INTS1: variants seen among roughly 807,000 people sequenced by gnomAD.
The protein encoded by INTS1 is integrator complex subunit 1.
Under a neutral mutation model 241.6 loss-of-function variants are expected in INTS1, and 137 were observed. The ratio of observed to expected loss-of-function variants is 0.57; its 90% CI spans 0.49 to 0.65. INTS1 has a LOEUF of 0.65. Ranked by LOEUF, INTS1 falls within the 30% of genes least tolerant of loss-of-function variation. INTS1 has a pLI of 0.00. For synonymous variants in INTS1, 1,692 were observed against 1,337.8 expected, an observed-to-expected ratio of 1.26 and a Z score of -5.78; for missense variants, 3,073 against 3,032.2, an observed-to-expected ratio of 1.01 and a Z score of -0.32.
chr7:1,498,631 A>G (rs1422744886), intron 9 of INTS1, 76 bp downstream of exon 9: 18 of 989,780 alleles, frequency 1.8e-5, no homozygotes, highest in African/African-American at 2.9e-5. Flanking sequence ...CTCCGCCCGC[A>G]CCCCCGCTCC....
chr7:1,480,629 C>A (rs1203114941), intron 29 of INTS1, among the ~76,000 whole-genome samples, 188 bp from the exon 30 acceptor site: 2 of 152,220 alleles, frequency 1.3e-5, no homozygotes, highest in Non-Finnish European at 2.9e-5. Flanking sequence ...AGACTCTGAA[C>A]AGGAACGTGC....
In INTS1 at chr7:1,487,106, G is replaced by A. The variant is rs1308708951; in HGVS notation, c.2647-5C>T. On this transcript the variant is annotated splice_region_variant and splice_polypyrimidine_tract_variant and intron_variant, in intron 20 of 47. Transcript: ENST00000404767. ...GGGCATGGACTGCGAGGAGGCCTGG[G>A]CAGGCGACAGTGGCGCCCGCTCAGC... The A allele has an allele frequency of 1.9e-6, 3 of 1,543,042 alleles. No homozygotes were observed. The Middle Eastern group carries it at 5.0e-4, about 258-fold the overall frequency.
chr7:1,481,082 G>T lies in INTS1; in HGVS notation c.3851-149C>A. ...AAGCTGGGTGAGCTCAGTCAGCACTGAGGCCCCAACAGCTCCCTCCAAGCT... is the reference window on the plus strand; with the variant it reads ...AAGCTGGGTGAGCTCAGTCAGCACTTAGGCCCCAACAGCTCCCTCCAAGCT... On this transcript the variant is annotated intron_variant, in intron 28 of 47. Transcript: ENST00000404767. The surrounding 1 kb of genome is among the most constrained non-coding windows in gnomAD (Gnocchi z 6.8). The T allele has an allele frequency of 1.4e-6, 1 of 702,358 alleles. No homozygotes were observed. Among genetic ancestry groups the T allele is most frequent in the Non-Finnish European group, 2.5e-6 (1 of 404,316 alleles). The allele number at this position is 702,358 out of a possible 1,614,324, so 43.5% of individuals were successfully genotyped here. A position where few individuals can be genotyped will look rare whatever the true frequency, so the allele number is the denominator to read the frequency against.
chr7:1,476,493 G>GCATCTCCCGGATGGGCCACCC (rs1781726215), intron 37 of INTS1, 38 bp from the exon 38 acceptor site: 1 of 1,181,068 alleles, frequency 8.5e-7, no homozygotes, highest in African/African-American at 1.7e-5. Flanking sequence ...GAGCACCACC[G>GCATCTCCCGGATGGGCCACCC]CCTCTCCCGG....
rs1239528138 is a variant in INTS1, at chr7:1,497,524, AGGT to A, written c.1426-213_1426-211del. ...CTGATTCCCCTCTCTGAGAACCGGC[AGGT>A]GGGGAGTCGGTCCTCGTGAAATGAG... is the stretch of plus-strand genomic sequence containing the variant. On this transcript the variant is annotated intron_variant, in intron 10 of 47. Coordinates refer to ENST00000404767, the MANE Select transcript of INTS1 (RefSeq NM_001080453.3). The surrounding 1 kb of genome is among the most constrained non-coding windows in gnomAD (Gnocchi z 5.3). 1.3e-5 allele frequency among the ~76,000 whole-genome samples: 2 copies of A among 152,166 alleles called. No individual in the cohort carries two copies. The highest frequency in any genetic ancestry group is 2.9e-5 in the Non-Finnish European group (2 of 68,026).
chr7:1,471,486 G>T, intron 45 of INTS1, 85 bp downstream of exon 45: 1 of 1,430,188 alleles, frequency 7.0e-7, no homozygotes, highest in Non-Finnish European at 9.8e-7. Context: ...CTCAGCGCGG[G>T]CACGCCATGT....
At position 1,474,032 on chromosome 7, in the gene INTS1, G is replaced by A. The variant is rs1010727398; in HGVS notation, c.5829+136C>T. ...CAGGGGCTTCCCAGGGTGGGAGCTG[G>A]TCCCCAGGGCAGGTGGCCTGGCCTG... is the stretch of plus-strand genomic sequence containing the variant. On this transcript the variant is annotated intron_variant, in intron 41 of 47. Coordinates refer to ENST00000404767, the MANE Select transcript of INTS1 (RefSeq NM_001080453.3). 6.8e-6 allele frequency: 7 copies of A among 1,037,008 alleles called. No homozygotes were observed. The African/African-American group carries it at 9.7e-5, about 14-fold the overall frequency. 64.2% of individuals were successfully genotyped at this position (1,037,008 alleles called of 1,614,324 possible).
At chr7:1,503,833 G>T in intron 2 of INTS1, 70 bp downstream of exon 2, 2 of 831,670 alleles carry the variant, frequency 2.4e-6, no homozygotes, top group Non-Finnish European at 3.5e-6. Flanking sequence ...ATCCGCGGCA[G>T]CTGAGATCCC....
At chr7:1,477,494 C>A in intron 35 of INTS1, 56 bp downstream of exon 35, 1 of 1,453,958 alleles carries the variant, frequency 6.9e-7, no homozygotes, top group South Asian at 1.5e-5. Context: ...CACTTCAGGT[C>A]AGGAAGAGCC....
intron 2 of INTS1, 150 bp downstream of exon 2, chr7:1,503,753 C>G: frequency 3.2e-6 from 2 of 620,058 alleles, no homozygotes; most frequent in South Asian, 2.0e-5. Flanking sequence ...CGCTGAGGAC[C>G]GAGAGCAGTG....
chr7:1,483,835 C>T lies in INTS1; in HGVS notation c.3448G>A (p.Val1150Ile). 2 of 1,611,742 alleles carry T rather than the reference C, an allele frequency of 1.2e-6. No homozygotes were observed. The highest frequency in any genetic ancestry group is 1.7e-6 in the Non-Finnish European group (2 of 1,178,844). ...TCCCCGCTGCTCCAGCGTAGGAAGACCTGGTCCTGAGACTCCGACTGTGGG... is the reference window on the plus strand; with the variant it reads ...TCCCCGCTGCTCCAGCGTAGGAAGATCTGGTCCTGAGACTCCGACTGTGGG... ...VYSWSESQDQ[V>I]FLRWSSGETA... Residue 1150 changes from valine to isoleucine, a missense_variant, in exon 26 of 48, where the codon GTC (valine) becomes ATC (isoleucine). Physicochemically the swap from Val to Ile is conservative, Grantham distance 29. Coordinates refer to ENST00000404767, the MANE Select transcript of INTS1 (RefSeq NM_001080453.3).
At chr7:1,502,830 G>T in intron 3 of INTS1, 71 bp downstream of exon 3, 2 of 1,541,366 alleles carry the variant, frequency 1.3e-6, no homozygotes, top group Non-Finnish European at 1.8e-6. Context: ...CCTGGAGGGG[G>T]CCTTCCCTGA....
At chr7:1,472,416 G>C (rs1193057273) in intron 43 of INTS1, 30 bp from the exon 44 acceptor site, 1 of 1,467,176 alleles carries the variant, frequency 6.8e-7, no homozygotes, top group Non-Finnish European at 9.2e-7. Flanking sequence ...CTGCAGGAGG[G>C]CGGGAGCGGC....
chr7:1,488,095 G>A (rs1361028207), intron 18 of INTS1, 138 bp from the exon 19 acceptor site: 5 of 894,488 alleles, frequency 5.6e-6, no homozygotes, highest in South Asian at 3.1e-5. Context: ...AGCACAGGGC[G>A]CCCGGTAGCA....
Position 1,503,890 on chromosome 7 carries a change from G to T in INTS1, c.58+13C>A. ...AAAGACCCCCGGGCTGCAGAGCGAGGAGGGAGACGCACCTGAGGGTTTGGC... is the reference window on the plus strand; with the variant it reads ...AAAGACCCCCGGGCTGCAGAGCGAGTAGGGAGACGCACCTGAGGGTTTGGC... On this transcript the variant is annotated intron_variant, in intron 2 of 47. Transcript: ENST00000404767. 1 of 1,560,686 alleles carries T rather than the reference G, an allele frequency of 6.4e-7. No homozygotes were observed. Among genetic ancestry groups the T allele is most frequent in the East Asian group, 2.4e-5 (1 of 41,822 alleles).
intron 7 of INTS1, 28 bp from the exon 8 acceptor site, chr7:1,499,189 A>G (rs374186867): frequency 1.9e-6 from 3 of 1,605,384 alleles, no homozygotes; most frequent in Non-Finnish European, 2.5e-6. Flanking sequence ...GCGAGGAGGG[A>G]GGAAGGTGGC....
At position 1,500,029 on chromosome 7, in the gene INTS1, G is replaced by A. The variant is rs550988607; in HGVS notation, c.547-8C>T. The A allele has an allele frequency of 8.1e-6, 13 of 1,612,754 alleles. No homozygotes were observed. The East Asian group carries it at 8.9e-5, about 11-fold the overall frequency. ...CAGGAGGCTACACAGAGCCTGCCAG[G>A]GAGGGCGCATGTCACGTGGGAGCTT... On this transcript the variant is annotated splice_region_variant and splice_polypyrimidine_tract_variant and intron_variant, in intron 4 of 47. Transcript: ENST00000404767.
At position 1,493,181 on chromosome 7, in the gene INTS1, C is replaced by CG; in HGVS notation, c.2069-76_2069-75insC. The CG allele has an allele frequency of 9.3e-7, 1 of 1,077,392 alleles. No homozygotes were observed. The allele number at this position is 1,077,392 out of a possible 1,614,324, so 66.7% of individuals were successfully genotyped here. On this transcript the variant is annotated intron_variant, in intron 15 of 47. Coordinates refer to ENST00000404767, the MANE Select transcript of INTS1 (RefSeq NM_001080453.3). This position sits in a 1 kb window ranked among gnomAD's most constrained non-coding sequence, Gnocchi z 5.3. ...GGCACAGGCAGCGAGGGAACCGGCC[C>CG]TGCTCGGGCCGCGTCGGGGTGGGGT...
intron 14 of INTS1, 63 bp downstream of exon 14, chr7:1,494,753 G>A: frequency 6.6e-7 from 1 of 1,508,490 alleles, no homozygotes. Context: ...GCCGCAGCCG[G>A]CCCGGCACCC....
Sources: allele counts gnomAD v4.1 joint callset (sites outside exome capture counted in the v4.1 genomes callset), GRCh38; gene constraint gnomAD v4.1.1; non-coding constraint Gnocchi (gnomAD v3.1); transcripts MANE v1.5; gene names NCBI Gene and HGNC (gene_info 2026-07-23, HGNC 2026-07-21).